ZNF575: variants seen among roughly 807,000 people sequenced by gnomAD.
ZNF575 encodes the protein zinc finger protein 575.
ZNF575 carries 17 observed loss-of-function variants against 17.5 expected under a neutral mutation model. The ratio of observed to expected loss-of-function variants is 0.97; its 90% CI spans 0.66 to 1.45. The LOEUF (loss-of-function observed/expected upper bound fraction) is 1.45, where lower values mean the gene tolerates loss of function less well. Ranked by LOEUF, ZNF575 falls within the 40% of genes most tolerant of loss-of-function variation. ZNF575 has a pLI of 0.00. For synonymous variants in ZNF575, 146 were observed against 158.3 expected, an observed-to-expected ratio of 0.92 and a Z score of 0.58; for missense variants, 352 against 359.2, an observed-to-expected ratio of 0.98 and a Z score of 0.16.
rs531373754 is a variant in ZNF575 at position 43,533,540 on chromosome 19, G to T, written c.-195+19G>T. ...CCTGCAGGTGAGGGCGCAGGGGTTC[G>T]GGCGCGGATATTGGCTTGCAGGCTG... On this transcript the variant is annotated intron_variant, in intron 1 of 3. Coordinates refer to ENST00000314228, the MANE Select transcript of ZNF575 (RefSeq NM_174945.3). 1 of 152,170 alleles carries T rather than the reference G, an allele frequency of 6.6e-6. No homozygotes were observed. The highest frequency in any genetic ancestry group is 2.1e-4 in the South Asian group (1 of 4,810). 9.4% of individuals were successfully genotyped at this position (152,170 alleles called of 1,614,324 possible). A position where few individuals can be genotyped will look rare whatever the true frequency, so the allele number is the denominator to read the frequency against.
Position 43,535,490 on chromosome 19 carries a change from C to T in ZNF575, c.541C>T (p.His181Tyr), listed in dbSNP as rs373389943. Residue 181 changes from histidine to tyrosine, a missense_variant, in exon 4 of 4, where the codon CAT becomes TAT. Transcript: ENST00000314228. ...CGACGCCCGCCCCTATCCTTGCCCGCATTGCCCCAAGGCTTTCTCATTTCC... is the reference window on the plus strand; with the variant it reads ...CGACGCCCGCCCCTATCCTTGCCCGTATTGCCCCAAGGCTTTCTCATTTCC... ...ATDARPYPCP[H>Y]CPKAFSFPSK... 1.2e-6 allele frequency: 2 copies of T among 1,613,404 alleles called. No homozygotes were observed. Among genetic ancestry groups the T allele is most frequent in the African/African-American group, 1.3e-5 (1 of 74,790 alleles).
Position 43,535,743 on chromosome 19 carries a change from G to T in ZNF575, c.*56G>T. 1 of 1,506,362 alleles carries T rather than the reference G, an allele frequency of 6.6e-7. No individual in the cohort carries two copies. 93.3% of individuals were successfully genotyped at this position (1,506,362 alleles called of 1,614,324 possible). Reference sequence around the variant, plus strand: ...CGCCAGCCCTAGCCAGTAAGAGGTGGGATTTCTAAGACCGACTGTATGAGC... The same window carrying T: ...CGCCAGCCCTAGCCAGTAAGAGGTGTGATTTCTAAGACCGACTGTATGAGC... On this transcript the variant is annotated 3_prime_UTR_variant, in exon 4 of 4. Coordinates refer to ENST00000314228, the MANE Select transcript of ZNF575 (RefSeq NM_174945.3).
rs1322349994 is a variant in ZNF575, at chr19:43,533,903, G to A, written c.-87+1G>A. On this transcript the variant is annotated splice_donor_variant, in intron 2 of 3. Transcript: ENST00000314228. LOFTEE classifies it low-confidence loss of function (5UTR_SPLICE). ...GAACTGAGACTAAGTCAAAAGCCGG[G>A]TAAAGCTAGGTCTTCGACGTGAAGC... 1 of 154,532 alleles carries A rather than the reference G, an allele frequency of 6.5e-6. No individual in the cohort carries two copies. The highest frequency in any genetic ancestry group is 1.9e-4 in the South Asian group (1 of 5,370). 9.6% of individuals were successfully genotyped at this position (154,532 alleles called of 1,614,324 possible).
chr19:43,531,864 C>A (rs1382893764), upstream of ZNF575: 4 of 680,626 alleles, frequency 5.9e-6, no homozygotes, highest in African/African-American at 1.8e-5. Context: ...TAGCTCATTG[C>A]AGACATGAAC....
In ZNF575 at chr19:43,535,299, G is replaced by T. The variant is rs762044331; in HGVS notation, c.350G>T (p.Arg117Leu). Reference sequence around the variant, plus strand: ...CACCGCCTCACGCACAGCGGCGCCCGCCCGCACCCGTGCCCACACTGCCCG... The same window carrying T: ...CACCGCCTCACGCACAGCGGCGCCCTCCCGCACCCGTGCCCACACTGCCCG... ...AAHRLTHSGA[R>L]PHPCPHCPKS... Residue 117 changes from arginine (R) to leucine (L), a missense_variant, in exon 4 of 4, where the codon CGC (arginine) becomes CTC (leucine). Coordinates refer to ENST00000314228, the MANE Select transcript of ZNF575 (RefSeq NM_174945.3). 6.3e-7 allele frequency: 1 copy of T among 1,584,654 alleles called. No individual in the cohort carries two copies. Among genetic ancestry groups the T allele is most frequent in the Non-Finnish European group, 8.6e-7 (1 of 1,167,210 alleles).
chr19:43,535,897 CTG>C lies in ZNF575; in HGVS notation c.*213_*214del. 1.6e-6 allele frequency: 1 copy of C among 612,710 alleles called. No individual in the cohort carries two copies. Among genetic ancestry groups the C allele is most frequent in the Middle Eastern group, 4.4e-4 (1 of 2,290 alleles). 38.0% of individuals were successfully genotyped at this position (612,710 alleles called of 1,614,324 possible). ...GAGATCTCAAACCATGGACGTGGAG[CTG>C]TGGTTTGACAGCGCTGGCTCTGCTT... On this transcript the variant is annotated 3_prime_UTR_variant, in exon 4 of 4. Coordinates refer to ENST00000314228, the MANE Select transcript of ZNF575 (RefSeq NM_174945.3).
chr19:43,535,010 C>T lies in ZNF575; in HGVS notation c.80-19C>T. The T allele has an allele frequency of 7.1e-7, 1 of 1,417,692 alleles. No homozygotes were observed. The highest frequency in any genetic ancestry group is 9.1e-7 in the Non-Finnish European group (1 of 1,098,690). 87.8% of individuals were successfully genotyped at this position (1,417,692 alleles called of 1,614,324 possible). ...GCGTTGGCTGCTTCCTGGAGCCCAC[C>T]AGCCCTCCTGTCCCCCAGCTCCCCA... On this transcript the variant is annotated intron_variant, in intron 3 of 3. Coordinates refer to ENST00000314228, the MANE Select transcript of ZNF575 (RefSeq NM_174945.3).
chr19:43,531,537 G>A (rs1049399384), upstream of ZNF575, among the ~76,000 whole-genome samples: 2 of 151,944 alleles, frequency 1.3e-5, no homozygotes, highest in African/African-American at 4.8e-5. Context: ...AGCCAAGATT[G>A]CGCCACTGCA....
At chr19:43,531,941 A>AATTTTT, upstream of ZNF575, 2 of 173,024 alleles carry the variant, frequency 1.2e-5, no homozygotes, top group Non-Finnish European at 2.2e-5. Flanking sequence ...ATTAAGCCAG[A>AATTTTT]CTTTTTTTTT....
Position 43,535,086 on chromosome 19 carries a change from CCGCGGGCT to C in ZNF575, c.141_148del (p.Gly48SerfsTer19). On this transcript the variant is annotated frameshift_variant, in exon 4 of 4. Coordinates refer to ENST00000314228, the MANE Select transcript of ZNF575 (RefSeq NM_174945.3). LOFTEE classifies it high-confidence loss of function. ...CAGTCAGCTCCAGGGCCCACCGCGT[CCGCGGGCT>C]CGCCTCCCCGGCCTCGCCGGCGGCC... is the stretch of plus-strand genomic sequence containing the variant. 6.7e-7 allele frequency: 1 copy of C among 1,495,724 alleles called. No individual in the cohort carries two copies. Among genetic ancestry groups the C allele is most frequent in the Non-Finnish European group, 8.8e-7 (1 of 1,130,230 alleles). The allele number at this position is 1,495,724 out of a possible 1,614,324, so 92.7% of individuals were successfully genotyped here.
upstream of ZNF575, among the ~76,000 whole-genome samples, chr19:43,531,149 G>A (rs1358326887): frequency 2.0e-5 from 3 of 150,454 alleles, no homozygotes; most frequent in East Asian, 5.9e-4. Flanking sequence ...AAATTAGCCA[G>A]GCGTGGTGAC....
chr19:43,532,182 CCATG>C (rs1972353750), upstream of ZNF575, among the ~76,000 whole-genome samples: 1 of 126,048 alleles, frequency 7.9e-6, no homozygotes, highest in African/African-American at 2.8e-5. Context: ...GCGTGTGCCA[CCATG>C]CCTGACTAAT....
Position 43,535,504 on chromosome 19 carries a change from T to G in ZNF575, c.555T>G (p.Ala185=), listed in dbSNP as rs147632929. 1.9e-6 allele frequency: 3 copies of G among 1,611,602 alleles called. No individual in the cohort carries two copies. The African/African-American group carries it at 4.1e-5, about 22-fold the overall frequency. Residue 185 remains alanine, a synonymous_variant, in exon 4 of 4, where the codon GCT becomes GCG. Coordinates refer to ENST00000314228, the MANE Select transcript of ZNF575 (RefSeq NM_174945.3). ...RPYPCPHCPK[A]FSFPSKLAAH... is the part of the protein sequence containing the mutation. ...ATCCTTGCCCGCATTGCCCCAAGGC[T>G]TTCTCATTTCCCTCCAAGCTGGCCG...
chr19:43,534,638 T>C, intron 3 of ZNF575, 137 bp downstream of exon 3: 1 of 849,118 alleles, frequency 1.2e-6, no homozygotes, highest in Non-Finnish European at 1.7e-6. Context: ...AACTGCCACA[T>C]TCTGGGAAAT....
chr19:43,531,810 G>C (rs911618702), upstream of ZNF575: 11 of 686,114 alleles, frequency 1.6e-5, no homozygotes, highest in African/African-American at 2.0e-4. Context: ...TAAAGATACG[G>C]GGTATCACTC....
rs746622666 is a variant in ZNF575, at chr19:43,535,089, C to CGG, written c.142_143dup (p.Ser49AlafsTer36). ...TCAGCTCCAGGGCCCACCGCGTCCG[C>CGG]GGGCTCGCCTCCCCGGCCTCGCCGG... On this transcript the variant is annotated frameshift_variant, in exon 4 of 4. Transcript: ENST00000314228. LOFTEE classifies it high-confidence loss of function. The CGG allele has an allele frequency of 4.0e-6, 6 of 1,495,536 alleles. No individual in the cohort carries two copies. The allele number at this position is 1,495,536 out of a possible 1,614,324, so 92.6% of individuals were successfully genotyped here. A position where few individuals can be genotyped will look rare whatever the true frequency, so the allele number is the denominator to read the frequency against.
upstream of ZNF575, chr19:43,532,834 G>A (rs554142578): frequency 6.6e-6 from 1 of 152,360 alleles, no homozygotes; most frequent in East Asian, 1.9e-4. Context: ...AGATGGGTGC[G>A]TGGCTGAGAA....
At position 43,535,009 on chromosome 19, in the gene ZNF575, C is replaced by T. The variant is rs1972393329; in HGVS notation, c.80-20C>T. On this transcript the variant is annotated intron_variant, in intron 3 of 3. Transcript: ENST00000314228. ...GGCGTTGGCTGCTTCCTGGAGCCCA[C>T]CAGCCCTCCTGTCCCCCAGCTCCCC... 1 of 1,416,848 alleles carries T rather than the reference C, an allele frequency of 7.1e-7. No homozygotes were observed. The highest frequency in any genetic ancestry group is 9.1e-7 in the Non-Finnish European group (1 of 1,098,322). The allele number at this position is 1,416,848 out of a possible 1,614,324, so 87.8% of individuals were successfully genotyped here. A position where few individuals can be genotyped will look rare whatever the true frequency, so the allele number is the denominator to read the frequency against.
rs1351551883 is a variant in ZNF575 at position 43,535,095 on chromosome 19, CGCCTCCCCG to C, written c.152_160del (p.Pro51_Pro53del). ...CCAGGGCCCACCGCGTCCGCGGGCT[CGCCTCCCCG>C]GCCTCGCCGGCGGCCCCCGCCCCAG... On this transcript the variant is annotated inframe_deletion, in exon 4 of 4. Transcript: ENST00000314228. 9 of 1,502,258 alleles carry C rather than the reference CGCCTCCCCG, an allele frequency of 6.0e-6. No individual in the cohort carries two copies. The highest frequency in any genetic ancestry group is 6.2e-6 in the Non-Finnish European group (7 of 1,132,708). 93.1% of individuals were successfully genotyped at this position (1,502,258 alleles called of 1,614,324 possible).
Sources: gnomAD v4.1 joint callset for allele counts (sites outside exome capture counted in the v4.1 genomes callset) on GRCh38, gnomAD v4.1.1 for gene constraint, MANE v1.5 for transcripts, NCBI Gene and HGNC (gene_info 2026-07-23, HGNC 2026-07-21) for gene names.